The following KCND3 variants were observed in gnomAD, a reference collection of about 807,000 sequenced individuals.
The protein encoded by KCND3 is A-type voltage-gated potassium channel KCND3.
A neutral mutation model predicts 51.1 loss-of-function variants in KCND3; 9 were observed. That is an observed-to-expected ratio of 0.18 (90% CI 0.11 to 0.31). The LOEUF is 0.31. Among genes scored for constraint, KCND3 ranks in the 10% least tolerant of loss-of-function variants. KCND3 has a pLI of 1.00. For synonymous variants in KCND3, 349 were observed against 368.0 expected, an observed-to-expected ratio of 0.95 and a Z score of 0.59; for missense variants, 526 against 903.8, an observed-to-expected ratio of 0.58 and a Z score of 5.36.
chr1:111,771,693 T>A lies in KCND3; in HGVS notation c.*4384A>T, dbSNP rs1216877474. 1 of 152,244 alleles carries A rather than the reference T, an allele frequency of 6.6e-6. No individual in the cohort carries two copies. The highest frequency in any genetic ancestry group is 1.5e-5 in the Non-Finnish European group (1 of 68,034). The allele number at this position is 152,244 out of a possible 1,614,324, so 9.4% of individuals were successfully genotyped here. On this transcript the variant is annotated 3_prime_UTR_variant, in exon 8 of 8. Transcript: ENST00000302127. ...ATCATATTTTGAAAACTGGATAAAA[T>A]CATCAGCATATCCACAAGTTGACAT...
intron 2 of KCND3, among the ~76,000 whole-genome samples, chr1:111,972,462 G>A (rs997946297): frequency 6.6e-6 from 1 of 152,120 alleles, no homozygotes; most frequent in East Asian, 1.9e-4. Flanking sequence ...GTGAGCCCCC[G>A]CGCCCGGCCC....
intron 2 of KCND3, among the ~76,000 whole-genome samples, chr1:111,839,352 A>C (rs2101637375): frequency 6.6e-6 from 1 of 151,862 alleles, no homozygotes; most frequent in Non-Finnish European, 1.5e-5. Context: ...TATTTTCCTC[A>C]CTCTTCTCCA....
At chr1:111,852,978 G>C (rs186848397) in intron 2 of KCND3, among the ~76,000 whole-genome samples, 1 of 152,320 alleles carries the variant, frequency 6.6e-6, no homozygotes, top group East Asian at 1.9e-4. Context: ...GATGTGATAA[G>C]TAGAGCATGA....
intron 2 of KCND3, among the ~76,000 whole-genome samples, chr1:111,914,331 A>G (rs1671095837): frequency 6.6e-6 from 1 of 151,858 alleles, no homozygotes; most frequent in African/African-American, 2.4e-5. Context: ...GTCATCTAAC[A>G]TATATGTAAC....
intron 2 of KCND3, among the ~76,000 whole-genome samples, chr1:111,806,183 C>T (rs774226229): frequency 1.3e-5 from 2 of 152,238 alleles, no homozygotes; most frequent in Non-Finnish European, 2.9e-5. Flanking sequence ...AACGGGGTCA[C>T]TCAAAGGGGG....
At position 111,981,849 on chromosome 1, in the gene KCND3, C is replaced by T. The variant is rs1674965278; in HGVS notation, c.878G>A (p.Arg293His). 1 of 1,613,922 alleles carries T rather than the reference C, an allele frequency of 6.2e-7. No individual in the cohort carries two copies. Among genetic ancestry groups the T allele is most frequent in the Non-Finnish European group, 8.5e-7 (1 of 1,179,978 alleles). ...GGAAAACTTGAAGATCCTGAAGACG[C>T]GGAAGACCCGGAGCGTGACGAAGGC... ...SGAFVTLRVF[R>H]VFRIFKFSRH... Residue 293 changes from arginine (R) to histidine (H), a missense_variant, in exon 2 of 8, where the codon CGC becomes CAC. Physicochemically the swap from Arg to His is conservative, Grantham distance 29 (BLOSUM62 0). Coordinates refer to ENST00000302127, the MANE Select transcript of KCND3 (RefSeq NM_001378969.1). This position sits in a 1 kb window ranked among gnomAD's most constrained non-coding sequence, Gnocchi z 6.2.
chr1:111,935,261 T>C (rs1047435394), intron 2 of KCND3, among the ~76,000 whole-genome samples: 1 of 152,190 alleles, frequency 6.6e-6, no homozygotes, highest in African/African-American at 2.4e-5. Flanking sequence ...ACCAAACCCT[T>C]TCAAACTGGT....
At chr1:111,953,340 C>G (rs540910718) in intron 2 of KCND3, among the ~76,000 whole-genome samples, 1 of 152,234 alleles carries the variant, frequency 6.6e-6, no homozygotes, top group South Asian at 2.1e-4. Context: ...TCAGGTCAAG[C>G]CAAGAGTGAG....
chr1:111,863,855 AATG>A (rs1294722378), intron 2 of KCND3, among the ~76,000 whole-genome samples: 2 of 152,162 alleles, frequency 1.3e-5, no homozygotes, highest in Admixed American at 6.5e-5. Context: ...CCAGGGGAGA[AATG>A]ATGAGGGGGG....
At position 111,871,188 on chromosome 1, in the gene KCND3, C is replaced by A. The variant is rs527694886; in HGVS notation, c.1107-84082G>T. Among the ~76,000 whole-genome samples the A allele has an allele frequency of 1.4e-4, 22 of 152,300 alleles. 1 individual carries two copies. Among genetic ancestry groups the A allele is most frequent in the African/African-American group, 4.8e-4 (20 of 41,552 alleles). ...CTATACTGTGAATGGCCTTGAGTTGCAACTTGGTTCTGTAAGTAGAGAGTA... is the reference window on the plus strand; with the variant it reads ...CTATACTGTGAATGGCCTTGAGTTGAAACTTGGTTCTGTAAGTAGAGAGTA... On this transcript the variant is annotated intron_variant, in intron 2 of 7. Transcript: ENST00000302127.
chr1:111,857,370 G>A (rs925408065), intron 2 of KCND3, among the ~76,000 whole-genome samples: 1 of 152,188 alleles, frequency 6.6e-6, no homozygotes, highest in Non-Finnish European at 1.5e-5. Flanking sequence ...TGGTTTTGCT[G>A]ACCCAGGTAG....
chr1:111,809,369 CGCGATCTTG>C (rs1665733776), intron 2 of KCND3, among the ~76,000 whole-genome samples: 1 of 151,308 alleles, frequency 6.6e-6, no homozygotes, highest in South Asian at 2.1e-4. Context: ...AGTTCAGTGG[CGCGATCTTG>C]GCTCACTGCA....
chr1:111,954,872 C>T (rs1052082346), intron 2 of KCND3, among the ~76,000 whole-genome samples: 2 of 152,198 alleles, frequency 1.3e-5, no homozygotes, highest in South Asian at 4.1e-4. Flanking sequence ...AACCAATGCA[C>T]TTATATACAA....
Position 111,982,103 on chromosome 1 carries a change from G to A in KCND3, c.624C>T (p.Gly208=), listed in dbSNP as rs772815178. ...GCAGCTCCTTGCTGCCCGGGACCGT[G>A]CCGCACGGCACCGTCTCCACCACGT... is the stretch of plus-strand genomic sequence containing the variant. ...ITNVVETVPC[G]TVPGSKELPC... is the part of the protein sequence containing the mutation. Residue 208 remains glycine (G), a synonymous_variant, in exon 2 of 8, where the codon GGC becomes GGT. Transcript: ENST00000302127. This position sits in a 1 kb window ranked among gnomAD's most constrained non-coding sequence, Gnocchi z 8.5. 33 of 1,613,778 alleles carry A rather than the reference G, an allele frequency of 2.0e-5. No individual in the cohort carries two copies. In the East Asian group the frequency reaches 7.1e-4, roughly 35 times the overall value.
chr1:111,804,498 A>C (rs1557946979), intron 2 of KCND3, among the ~76,000 whole-genome samples: 1 of 152,180 alleles, frequency 6.6e-6, no homozygotes, highest in Non-Finnish European at 1.5e-5. Flanking sequence ...GTGTGCAGGG[A>C]AGGGAACATG....
chr1:111,825,275 C>T (rs1666523311), intron 2 of KCND3, among the ~76,000 whole-genome samples: 1 of 152,118 alleles, frequency 6.6e-6, no homozygotes, highest in Non-Finnish European at 1.5e-5. Flanking sequence ...TTTTTTGACC[C>T]ATATGTCCGA....
chr1:111,846,355 T>C (rs534492903), intron 2 of KCND3, among the ~76,000 whole-genome samples: 1 of 152,292 alleles, frequency 6.6e-6, no homozygotes, highest in Non-Finnish European at 1.5e-5. Context: ...TCGGGAGCTC[T>C]TCCCTGATGT....
At chr1:111,914,272 T>TAAA (rs144637961) in intron 2 of KCND3, among the ~76,000 whole-genome samples, 35 of 138,790 alleles carry the variant, frequency 2.5e-4, no homozygotes, top group Non-Finnish European at 3.6e-4. Context: ...GAAAAAAGAT[T>TAAA]AAAAAAAAAA....
chr1:111,961,850 T>C (rs776381625), intron 2 of KCND3, among the ~76,000 whole-genome samples: 2 of 152,130 alleles, frequency 1.3e-5, no homozygotes, highest in Admixed American at 6.5e-5. Flanking sequence ...ACAAGGGGGC[T>C]CAACTACATC....
Sources: gnomAD v4.1 joint callset for allele counts (sites outside exome capture counted in the v4.1 genomes callset) on GRCh38, gnomAD v4.1.1 for gene constraint, Gnocchi (gnomAD v3.1) non-coding constraint, MANE v1.5 for transcripts, NCBI Gene and HGNC (gene_info 2026-07-23, HGNC 2026-07-21) for gene names.